Variants in SH3RF3 observed in about 807,000 individuals in gnomAD.
SH3RF3 encodes the protein E3 ubiquitin-protein ligase SH3RF3.
SH3RF3 carries 29 observed loss-of-function variants against 66.3 expected under a neutral mutation model. The observed-to-expected ratio is 0.44, with a 90% CI of 0.33 to 0.60. SH3RF3 has a LOEUF of 0.60. Among genes scored for constraint, SH3RF3 ranks in the 20% least tolerant of loss-of-function variants. SH3RF3 has a pLI of 0.04. For synonymous variants in SH3RF3, 583 were observed against 532.0 expected, an observed-to-expected ratio of 1.10 and a Z score of -1.32; for missense variants, 1,194 against 1,190.9, an observed-to-expected ratio of 1.00 and a Z score of -0.04.
intron 1 of SH3RF3, among the ~76,000 whole-genome samples, chr2:109,230,823 A>G (rs774716008): frequency 5.9e-5 from 9 of 152,228 alleles, no homozygotes; most frequent in Non-Finnish European, 1.3e-4. Context: ...AGAGAAGATA[A>G]AAAATTCCAC....
At chr2:109,425,422 A>G (rs1317483204) in intron 5 of SH3RF3, among the ~76,000 whole-genome samples, 1 of 152,260 alleles carries the variant, frequency 6.6e-6, no homozygotes, top group East Asian at 1.9e-4. Context: ...CAATGATGCC[A>G]TCTAGGACTT....
intron 8 of SH3RF3, among the ~76,000 whole-genome samples, chr2:109,449,981 C>T (rs569527317): frequency 1.7e-4 from 26 of 152,280 alleles, no homozygotes; most frequent in African/African-American, 5.1e-4. Flanking sequence ...TGAGAAGGAA[C>T]AGGAGAATGC....
At chr2:109,494,872 C>T (rs1159451466) in intron 9 of SH3RF3, among the ~76,000 whole-genome samples, 3 of 152,294 alleles carry the variant, frequency 2.0e-5, no homozygotes, top group East Asian at 1.9e-4. Context: ...CTGCTCTCCT[C>T]TCCACTCTCA....
chr2:109,205,935 T>C (rs1311831644), intron 1 of SH3RF3, among the ~76,000 whole-genome samples: 2 of 152,212 alleles, frequency 1.3e-5, no homozygotes, highest in East Asian at 3.8e-4. Flanking sequence ...AAAGTAGATG[T>C]GTGTTTTTCT....
intron 1 of SH3RF3, among the ~76,000 whole-genome samples, chr2:109,233,293 G>A (rs528557836): frequency 6.6e-6 from 1 of 152,304 alleles, no homozygotes; most frequent in Non-Finnish European, 1.5e-5. Flanking sequence ...ATTGAGTGAT[G>A]GAGGTGGCTC....
chr2:109,239,499 T>C (rs531348728), intron 1 of SH3RF3, among the ~76,000 whole-genome samples: 1 of 152,296 alleles, frequency 6.6e-6, no homozygotes, highest in Admixed American at 6.5e-5. Flanking sequence ...TACAATATTC[T>C]GAAGTGATTT....
At chr2:109,131,928 T>C (rs1676706063) in intron 1 of SH3RF3, among the ~76,000 whole-genome samples, 1 of 152,220 alleles carries the variant, frequency 6.6e-6, no homozygotes, top group African/African-American at 2.4e-5. Flanking sequence ...ACTAGCACTA[T>C]ACTACCATGC....
intron 1 of SH3RF3, among the ~76,000 whole-genome samples, chr2:109,160,140 C>G (rs1677454257): frequency 6.6e-6 from 1 of 152,038 alleles, no homozygotes; most frequent in Non-Finnish European, 1.5e-5. Flanking sequence ...CAGACCTGGG[C>G]CAGGATCTGC....
intron 3 of SH3RF3, among the ~76,000 whole-genome samples, chr2:109,374,805 A>C (rs1017960945): frequency 2.6e-5 from 4 of 152,204 alleles, no homozygotes; most frequent in African/African-American, 9.6e-5. Flanking sequence ...TATGGGGTTC[A>C]CCGAGGGACT....
At chr2:109,233,467 T>C (rs1171807250) in intron 1 of SH3RF3, among the ~76,000 whole-genome samples, 1 of 152,234 alleles carries the variant, frequency 6.6e-6, no homozygotes, top group African/African-American at 2.4e-5. Context: ...TCTACTTCTC[T>C]GCCAGTGCAG....
intron 1 of SH3RF3, among the ~76,000 whole-genome samples, chr2:109,279,671 C>T (rs2105338864): frequency 1.3e-5 from 2 of 152,344 alleles, no homozygotes; most frequent in Middle Eastern, 6.8e-3. Flanking sequence ...TTTTGGAATT[C>T]TGTCATTGGA....
chr2:109,504,104 CATG>C lies in SH3RF3; in HGVS notation c.*2440_*2442del, dbSNP rs1679467713. ...AAACTCGTTCAGGCCCTGCAGCCTT[CATG>C]ATGATGTAGCTCGCAGAGAAGAGCA... is the stretch of plus-strand genomic sequence containing the variant. On this transcript the variant is annotated 3_prime_UTR_variant, in exon 10 of 10. Coordinates refer to ENST00000309415, the MANE Select transcript of SH3RF3 (RefSeq NM_001099289.3). 1 of 152,250 alleles carries C rather than the reference CATG, an allele frequency of 6.6e-6. No homozygotes were observed. The highest frequency in any genetic ancestry group is 2.4e-5 in the African/African-American group (1 of 41,458). 9.4% of individuals were successfully genotyped at this position (152,250 alleles called of 1,614,324 possible). A position where few individuals can be genotyped will look rare whatever the true frequency, so the allele number is the denominator to read the frequency against.
At chr2:109,313,355 C>A (rs1193474692) in intron 1 of SH3RF3, among the ~76,000 whole-genome samples, 1 of 152,238 alleles carries the variant, frequency 6.6e-6, no homozygotes, top group Non-Finnish European at 1.5e-5. Flanking sequence ...AAATGCAGTT[C>A]AGCCTAATGC....
chr2:109,371,256 G>A (rs537107658), intron 2 of SH3RF3, among the ~76,000 whole-genome samples: 13 of 152,350 alleles, frequency 8.5e-5, no homozygotes, highest in African/African-American at 3.1e-4. Flanking sequence ...TGGGTGTGGT[G>A]GCACACGCCT....
At chr2:109,330,611 G>A (rs898722478) in intron 1 of SH3RF3, among the ~76,000 whole-genome samples, 1 of 152,150 alleles carries the variant, frequency 6.6e-6, no homozygotes, top group Non-Finnish European at 1.5e-5. Flanking sequence ...GTGGGTCAAT[G>A]GGTGTGTGGT....
At chr2:109,157,470 C>T (rs1677373708) in intron 1 of SH3RF3, among the ~76,000 whole-genome samples, 1 of 152,166 alleles carries the variant, frequency 6.6e-6, no homozygotes, top group Non-Finnish European at 1.5e-5. Context: ...AAAATATCTG[C>T]ATTTCCATAC....
chr2:109,395,438 G>T (rs1352804976), intron 3 of SH3RF3, among the ~76,000 whole-genome samples: 1 of 152,188 alleles, frequency 6.6e-6, no homozygotes, highest in African/African-American at 2.4e-5. Context: ...CGCCTGCCTG[G>T]CTGCTGCAGG....
At chr2:109,382,870 A>G (rs892195221) in intron 3 of SH3RF3, among the ~76,000 whole-genome samples, 1 of 152,012 alleles carries the variant, frequency 6.6e-6, no homozygotes, top group African/African-American at 2.4e-5. Flanking sequence ...CCCTGCCCCA[A>G]TCTGACCTGC....
At chr2:109,174,937 C>T (rs1400873561) in intron 1 of SH3RF3, among the ~76,000 whole-genome samples, 1 of 152,166 alleles carries the variant, frequency 6.6e-6, no homozygotes, top group Non-Finnish European at 1.5e-5. Context: ...GGGGAGAGTC[C>T]TTGCATTTGC....
Sources: allele counts gnomAD v4.1 joint callset (sites outside exome capture counted in the v4.1 genomes callset), GRCh38; gene constraint gnomAD v4.1.1; transcripts MANE v1.5; gene names NCBI Gene and HGNC (gene_info 2026-07-23, HGNC 2026-07-21).